Variants in PARD3B observed in about 807,000 individuals in gnomAD.
PARD3B encodes partitioning defective 3 homolog B.
A neutral mutation model predicts 130.2 loss-of-function variants in PARD3B; 103 were observed. The observed-to-expected ratio is 0.79, with a 90% CI of 0.67 to 0.93. PARD3B has a LOEUF of 0.93. PARD3B is among the 40% of genes least tolerant of loss of function. The pLI, the probability that PARD3B is intolerant of heterozygous loss-of-function variation, is 0.00. For missense variants in PARD3B, 1,609 were observed against 1,499.2 expected, an observed-to-expected ratio of 1.07 and a Z score of -1.21; for synonymous variants, 583 against 553.2, an observed-to-expected ratio of 1.05 and a Z score of -0.76.
At chr2:205,278,728 A>T (rs2105826432) in intron 16 of PARD3B, among the ~76,000 whole-genome samples, 1 of 152,286 alleles carries the variant, frequency 6.6e-6, no homozygotes, top group East Asian at 1.9e-4. Context: ...TGAAACTTCA[A>T]TTTAATTCTA....
At chr2:205,490,580 A>G (rs1443145446) in intron 20 of PARD3B, among the ~76,000 whole-genome samples, 1 of 152,186 alleles carries the variant, frequency 6.6e-6, no homozygotes, top group Non-Finnish European at 1.5e-5. Flanking sequence ...ATACGTGTGC[A>G]TGTGTCTTTA....
Position 204,664,835 on chromosome 2 carries a change from T to C in PARD3B, c.121-21346T>C, listed in dbSNP as rs2035956250. 6.6e-6 allele frequency among the ~76,000 whole-genome samples: 1 copy of C among 152,206 alleles called. No homozygotes were observed. Among genetic ancestry groups the C allele is most frequent in the Non-Finnish European group, 1.5e-5 (1 of 68,042 alleles). ...ACAGGATGAGGTAGCCTGAAACAGT[T>C]TGAGGTATAATCAGTGTCTTCTCAC... On this transcript the variant is annotated intron_variant, in intron 1 of 22. Transcript: ENST00000406610. This position sits in a 1 kb window ranked among gnomAD's most constrained non-coding sequence, Gnocchi z 5.2.
At chr2:204,931,226 C>G (rs1017341838) in intron 2 of PARD3B, among the ~76,000 whole-genome samples, 9 of 152,118 alleles carry the variant, frequency 5.9e-5, no homozygotes, top group Admixed American at 2.6e-4. Flanking sequence ...CACCCAACAC[C>G]TGTAAGCTAT....
chr2:204,841,274 T>C (rs527320030), intron 2 of PARD3B, among the ~76,000 whole-genome samples: 1 of 152,236 alleles, frequency 6.6e-6, no homozygotes, highest in South Asian at 2.1e-4. Flanking sequence ...TGGAAAATTA[T>C]AGCCTCAAGG....
At chr2:205,595,180 C>G (rs2054524209) in intron 22 of PARD3B, among the ~76,000 whole-genome samples, 1 of 152,086 alleles carries the variant, frequency 6.6e-6, no homozygotes, top group Admixed American at 6.5e-5. Flanking sequence ...GTTGCACACT[C>G]TCTCCCAGTG....
rs1050766757 is a variant in PARD3B at position 205,078,588 on chromosome 2, G to A, written c.505-25838G>A. On this transcript the variant is annotated intron_variant, in intron 4 of 22. Coordinates refer to ENST00000406610, the MANE Select transcript of PARD3B (RefSeq NM_001302769.2). This position sits in a 1 kb window ranked among gnomAD's most constrained non-coding sequence, Gnocchi z 4.0. ...TCATGTAATTTTTTTAATCCATAGG[G>A]TAAGTGTGGAGATTGTCAAACATGT... 6.6e-6 allele frequency among the ~76,000 whole-genome samples: 1 copy of A among 152,092 alleles called. No individual in the cohort carries two copies. Among genetic ancestry groups the A allele is most frequent in the Non-Finnish European group, 1.5e-5 (1 of 68,006 alleles).
intron 2 of PARD3B, among the ~76,000 whole-genome samples, chr2:204,935,336 T>C (rs1166037814): frequency 2.7e-5 from 4 of 148,418 alleles, no homozygotes; most frequent in South Asian, 2.1e-4. Flanking sequence ...AAGACCATCC[T>C]GGCTAACACG....
chr2:205,388,588 A>G (rs961075195), intron 18 of PARD3B, among the ~76,000 whole-genome samples: 3 of 152,212 alleles, frequency 2.0e-5, no homozygotes, highest in African/African-American at 4.8e-5. Flanking sequence ...CCTGTTAGAA[A>G]TCAAGTTGTT....
intron 15 of PARD3B, among the ~76,000 whole-genome samples, chr2:205,238,242 C>T (rs1365869519): frequency 6.6e-6 from 1 of 152,118 alleles, no homozygotes; most frequent in East Asian, 1.9e-4. Context: ...GAGATATTTG[C>T]AATTCAGAAG....
At chr2:204,636,432 T>C (rs1011431486) in intron 1 of PARD3B, among the ~76,000 whole-genome samples, 1 of 150,144 alleles carries the variant, frequency 6.7e-6, no homozygotes, top group Non-Finnish European at 1.5e-5. Flanking sequence ...CTTTCTGAGC[T>C]AAGACTTTAG....
chr2:205,521,239 C>G lies in PARD3B; in HGVS notation c.3180+21208C>G, dbSNP rs533595587. ...AATATCAATTATGTTGTTTTCATTT[C>G]TTAATTACAACTGAGAATAAACATT... On this transcript the variant is annotated intron_variant, in intron 21 of 22. Transcript: ENST00000406610. 2.6e-5 allele frequency among the ~76,000 whole-genome samples: 4 copies of G among 151,910 alleles called. No individual in the cohort carries two copies. The South Asian group carries it at 8.3e-4, about 32-fold the overall frequency.
intron 5 of PARD3B, among the ~76,000 whole-genome samples, chr2:205,107,039 A>T (rs1703272284): frequency 6.6e-6 from 1 of 152,218 alleles, no homozygotes; most frequent in South Asian, 2.1e-4. Context: ...GGCTTGGCCC[A>T]TGCATAGGAC....
chr2:205,553,281 G>C (rs770165935), intron 21 of PARD3B, 43 bp from the exon 22 acceptor site: 3 of 1,554,198 alleles, frequency 1.9e-6, no homozygotes, highest in Admixed American at 3.3e-5. Flanking sequence ...AGTAACCAAG[G>C]TGTATAATGG....
Position 204,935,296 on chromosome 2 carries a change from A to G in PARD3B, c.223-29856A>G, listed in dbSNP as rs530482208. The stretch of plus-strand genomic sequence containing the variant: ...TGTAATCCCAGCACTTTGGGAGGCC[A>G]AGGCGGGCGGATCACAAGGTCAGGA... On this transcript the variant is annotated intron_variant, in intron 2 of 22. Coordinates refer to ENST00000406610, the MANE Select transcript of PARD3B (RefSeq NM_001302769.2). Among the ~76,000 whole-genome samples, 241 of 151,342 alleles carry G rather than the reference A, an allele frequency of 1.6e-3. 2 individuals carry two copies. Among genetic ancestry groups the G allele is most frequent in the African/African-American group, 4.3e-3 (179 of 41,364 alleles).
intron 1 of PARD3B, among the ~76,000 whole-genome samples, chr2:204,622,904 T>C (rs1167059629): frequency 6.6e-6 from 1 of 152,082 alleles, no homozygotes; most frequent in African/African-American, 2.4e-5. Flanking sequence ...TAGCTTCAGA[T>C]TAAAATATGC....
At chr2:204,722,840 A>G (rs889514892) in intron 2 of PARD3B, among the ~76,000 whole-genome samples, 1 of 151,984 alleles carries the variant, frequency 6.6e-6, no homozygotes, top group African/African-American at 2.4e-5. Context: ...TTGAAAAGGG[A>G]TGAAGGCTAT....
At chr2:204,596,899 C>T (rs911911750) in intron 1 of PARD3B, among the ~76,000 whole-genome samples, 1 of 151,336 alleles carries the variant, frequency 6.6e-6, no homozygotes, top group Non-Finnish European at 1.5e-5. Context: ...GCCTGGGCAA[C>T]AAGAGAGAAA....
chr2:204,941,305 C>T (rs1200615857), intron 2 of PARD3B, among the ~76,000 whole-genome samples: 3 of 152,032 alleles, frequency 2.0e-5, no homozygotes, highest in Non-Finnish European at 2.9e-5. Context: ...GCCCGGAAGG[C>T]GGAGGTTGCA....
chr2:204,660,595 A>G (rs1174335893), intron 1 of PARD3B, among the ~76,000 whole-genome samples: 2 of 152,206 alleles, frequency 1.3e-5, no homozygotes, highest in Admixed American at 6.5e-5. Flanking sequence ...CCAGGCCAAC[A>G]TCTAGTTAAG....
Sources: allele counts gnomAD v4.1 joint callset (sites outside exome capture counted in the v4.1 genomes callset), GRCh38; gene constraint gnomAD v4.1.1; non-coding constraint Gnocchi (gnomAD v3.1); transcripts MANE v1.5; gene names NCBI Gene and HGNC (gene_info 2026-07-23, HGNC 2026-07-21).